ROBO2: variants seen among roughly 807,000 people sequenced by gnomAD.
The protein encoded by ROBO2 is roundabout homolog 2.
Under a neutral mutation model 160.8 loss-of-function variants are expected in ROBO2, and 53 were observed. The observed-to-expected ratio is 0.33, with a 90% CI of 0.26 to 0.41. The LOEUF (loss-of-function observed/expected upper bound fraction) is 0.41. ROBO2 is among the 10% of genes least tolerant of loss of function. ROBO2 has a pLI of 1.00. For missense variants in ROBO2, 1,577 were observed against 1,722.4 expected, an observed-to-expected ratio of 0.92 and a Z score of 1.49; for synonymous variants, 664 against 611.7, an observed-to-expected ratio of 1.09 and a Z score of -1.26.
intron 2 of ROBO2, among the ~76,000 whole-genome samples, chr3:76,968,688 T>C (rs1260234549): frequency 6.6e-6 from 1 of 152,164 alleles, no homozygotes; most frequent in Non-Finnish European, 1.5e-5. Flanking sequence ...AATTTGAGGC[T>C]TGTAGGCTAT....
At chr3:75,985,925 A>G (rs552713628) in intron 2 of ROBO2, among the ~76,000 whole-genome samples, 2 of 151,724 alleles carry the variant, frequency 1.3e-5, no homozygotes, top group African/African-American at 2.4e-5. Flanking sequence ...TGTACACCAC[A>G]TTTTGCTTAT....
chr3:76,465,794 C>T (rs3913582), intron 2 of ROBO2, among the ~76,000 whole-genome samples: 87,893 of 151,744 alleles, frequency 0.58, 25,498 homozygotes, highest in East Asian at 0.62. Context: ...TGATGTTAAC[C>T]TTCAAATATT....
chr3:77,050,566 GTGT>G (rs2065117357), intron 1 of ROBO2, among the ~76,000 whole-genome samples: 1 of 37,052 alleles, frequency 2.7e-5, no homozygotes, highest in South Asian at 8.1e-4. Flanking sequence ...TTGCTTTTGT[GTGT>G]TTTTTTTTTT....
At chr3:75,944,988 C>G (rs1948216814) in intron 2 of ROBO2, among the ~76,000 whole-genome samples, 1 of 152,022 alleles carries the variant, frequency 6.6e-6, no homozygotes, top group Non-Finnish European at 1.5e-5. Context: ...CCTCCTATAC[C>G]ACACTATTAA....
intron 2 of ROBO2, among the ~76,000 whole-genome samples, chr3:76,304,405 G>A (rs1442858610): frequency 6.6e-6 from 1 of 152,136 alleles, no homozygotes; most frequent in East Asian, 1.9e-4. Context: ...GAGAAATAAC[G>A]ACGTAATTAA....
intron 2 of ROBO2, among the ~76,000 whole-genome samples, chr3:76,567,764 TGTG>T (rs2084675323): frequency 3.2e-5 from 1 of 31,072 alleles, no homozygotes; most frequent in Non-Finnish European, 8.5e-5. Flanking sequence ...TATATCTGTC[TGTG>T]TGTGTGTGTG....
intron 2 of ROBO2, among the ~76,000 whole-genome samples, chr3:76,035,199 T>C (rs2067065343): frequency 6.6e-6 from 1 of 151,884 alleles, no homozygotes; most frequent in African/African-American, 2.4e-5. Flanking sequence ...CTTTTTTTTT[T>C]TTTTTCTAAA....
intron 7 of ROBO2, among the ~76,000 whole-genome samples, chr3:77,549,335 T>C (rs2092826036): frequency 6.6e-6 from 1 of 152,018 alleles, no homozygotes; most frequent in Non-Finnish European, 1.5e-5. Context: ...TTTGAGTTAT[T>C]GTATCATTTT....
intron 2 of ROBO2, among the ~76,000 whole-genome samples, chr3:76,798,259 G>GGAAGGAAAGAAA (rs764074863): frequency 3.0e-4 from 28 of 94,282 alleles, no homozygotes; most frequent in African/African-American, 1.1e-3. Context: ...AAAGAAAGAA[G>GGAAGGAAAGAAA]GAAAGAAAGA....
Position 76,555,358 on chromosome 3 carries a change from G to GGAAGAAGAAGAAGA in ROBO2, c.110-542656_110-542655insGAAGAAGAAGAAGA, listed in dbSNP as rs1201244951. 7.2e-4 allele frequency among the ~76,000 whole-genome samples: 42 copies of GGAAGAAGAAGAAGA among 57,932 alleles called. 2 individuals carry two copies. The highest frequency in any genetic ancestry group is 2.0e-3 in the African/African-American group (39 of 19,224). 38.0% of individuals were successfully genotyped at this position (57,932 alleles called of 152,430 possible). Reference sequence around the variant, plus strand: ...AGGAAGAGGAGGAAGAGTAGGAAGAGAGAAGAAGAAGAAGAAGAAGAAGAA... The same window carrying GGAAGAAGAAGAAGA: ...AGGAAGAGGAGGAAGAGTAGGAAGAGGAAGAAGAAGAAGAAGAAGAAGAAGAAGAAGAAGAAGAA... On this transcript the variant is annotated intron_variant, in intron 2 of 26. Transcript: ENST00000487694.
At chr3:76,287,621 A>T (rs532505664) in intron 2 of ROBO2, among the ~76,000 whole-genome samples, 2 of 152,070 alleles carry the variant, frequency 1.3e-5, no homozygotes, top group Admixed American at 6.5e-5. Flanking sequence ...TGATTATTCT[A>T]TTTTTGGTGT....
intron 2 of ROBO2, among the ~76,000 whole-genome samples, chr3:77,114,652 G>T (rs866114676): frequency 2.6e-5 from 4 of 152,114 alleles, no homozygotes; most frequent in South Asian, 4.1e-4. Flanking sequence ...GAAAGATTAT[G>T]CACACCTTGT....
chr3:76,963,156 A>T (rs2079795972), intron 2 of ROBO2, among the ~76,000 whole-genome samples: 1 of 81,254 alleles, frequency 1.2e-5, no homozygotes, highest in Admixed American at 1.3e-4. Flanking sequence ...CCTTTAATAA[A>T]GATTATTTTG....
chr3:76,661,207 A>T (rs76561819), intron 2 of ROBO2, among the ~76,000 whole-genome samples: 2 of 152,300 alleles, frequency 1.3e-5, no homozygotes, highest in South Asian at 4.1e-4. Flanking sequence ...TGTTTTATGC[A>T]GTTCCTGGAA....
At chr3:76,659,093 G>A (rs1451645768) in intron 2 of ROBO2, among the ~76,000 whole-genome samples, 3 of 151,974 alleles carry the variant, frequency 2.0e-5, no homozygotes, top group Non-Finnish European at 4.4e-5. Context: ...AGCTCCCTTA[G>A]AAACATTTGA....
chr3:76,890,098 C>T (rs746413365), intron 2 of ROBO2, among the ~76,000 whole-genome samples: 1 of 152,160 alleles, frequency 6.6e-6, no homozygotes, highest in Non-Finnish European at 1.5e-5. Context: ...CAGACACTAT[C>T]ATCATCTGTT....
intron 1 of ROBO2, among the ~76,000 whole-genome samples, chr3:75,932,690 G>A (rs1947597138): frequency 6.6e-6 from 1 of 152,194 alleles, no homozygotes; most frequent in Non-Finnish European, 1.5e-5. Context: ...ACTAATGGCA[G>A]AGTGGAATTT....
chr3:76,583,139 A>C (rs1446702940), intron 2 of ROBO2, among the ~76,000 whole-genome samples: 1 of 152,180 alleles, frequency 6.6e-6, no homozygotes, highest in Non-Finnish European at 1.5e-5. Context: ...GCAAAACATG[A>C]ATACCTTATG....
chr3:77,295,938 TGA>T (rs2062041401), intron 2 of ROBO2, among the ~76,000 whole-genome samples: 1 of 119,430 alleles, frequency 8.4e-6, no homozygotes, highest in Non-Finnish European at 1.9e-5. Flanking sequence ...AAAGTAAAAT[TGA>T]TGGTTAAACG....
Sources: gnomAD v4.1 joint callset for allele counts (sites outside exome capture counted in the v4.1 genomes callset) on GRCh38, gnomAD v4.1.1 for gene constraint, MANE v1.5 for transcripts, NCBI Gene and HGNC (gene_info 2026-07-23, HGNC 2026-07-21) for gene names.